The following LMBR1 variants were observed in gnomAD, a reference collection of about 807,000 sequenced individuals.
LMBR1 encodes the protein limb development membrane protein 1.
In LMBR1, 52 loss-of-function variants were observed where a neutral mutation model predicts 73.9. The ratio of observed to expected loss-of-function variants is 0.70; its 90% CI spans 0.56 to 0.89. The LOEUF is 0.89. Ranked by LOEUF, LMBR1 falls within the 40% of genes least tolerant of loss-of-function variation. The pLI, the probability that LMBR1 is intolerant of heterozygous loss-of-function variation, is 0.00. For synonymous variants in LMBR1, 215 were observed against 209.4 expected (o/e 1.03, Z -0.23); for missense variants, 539 against 579.8 (o/e 0.93, Z 0.72).
chr7:156,793,114 T>C (rs1446648807), intron 5 of LMBR1, among the ~76,000 whole-genome samples: 1 of 152,200 alleles, frequency 6.6e-6, no homozygotes, highest in South Asian at 2.1e-4. Context: ...TCGCCAAATA[T>C]GTTAAACATT....
chr7:156,740,999 AAAAGT>A (rs1818789257), intron 9 of LMBR1, among the ~76,000 whole-genome samples: 1 of 152,226 alleles, frequency 6.6e-6, no homozygotes, highest in Non-Finnish European at 1.5e-5. Context: ...CAAAAAGTTT[AAAAGT>A]GTGGGGACGA....
intron 1 of LMBR1, among the ~76,000 whole-genome samples, chr7:156,891,233 T>TATAC (rs1313373343): frequency 1.0e-4 from 7 of 68,858 alleles, no homozygotes; most frequent in African/African-American, 3.0e-4. Context: ...TATATATATA[T>TATAC]ACACACACAC....
chr7:156,877,776 G>A (rs1012209786), intron 1 of LMBR1, among the ~76,000 whole-genome samples: 38 of 151,956 alleles, frequency 2.5e-4, no homozygotes, highest in Admixed American at 5.2e-4. Flanking sequence ...CCAGCTACTC[G>A]GGAGGCTGAA....
rs559312678 is a variant in LMBR1, at chr7:156,754,518, G to A, written c.757+1875C>T. On this transcript the variant is annotated intron_variant, in intron 9 of 16. Coordinates refer to ENST00000353442, the MANE Select transcript of LMBR1 (RefSeq NM_022458.4). Reference sequence around the variant, plus strand: ...ACATCCCAACACACACTAAGAAAGCGCCGCCAGCAACTCTGTGATCAATCA... The same window carrying A: ...ACATCCCAACACACACTAAGAAAGCACCGCCAGCAACTCTGTGATCAATCA... Among the ~76,000 whole-genome samples the A allele has an allele frequency of 2.9e-4, 44 of 152,090 alleles. No homozygotes were observed. The South Asian group carries it at 8.3e-3, about 29-fold the overall frequency.
chr7:156,698,116 T>C (rs1016041859), intron 15 of LMBR1, among the ~76,000 whole-genome samples: 1 of 152,144 alleles, frequency 6.6e-6, no homozygotes, highest in African/African-American at 2.4e-5. Flanking sequence ...AGCAGGGCAG[T>C]CAAATCTTAA....
chr7:156,699,679 A>C (rs1402719351), intron 15 of LMBR1, among the ~76,000 whole-genome samples: 1 of 152,096 alleles, frequency 6.6e-6, no homozygotes, highest in Non-Finnish European at 1.5e-5. Flanking sequence ...TAATATCCAG[A>C]ATCTACAATG....
intron 5 of LMBR1, among the ~76,000 whole-genome samples, chr7:156,777,266 CTTTTT>C (rs1826327093): frequency 1.3e-5 from 2 of 152,178 alleles, no homozygotes; most frequent in Non-Finnish European, 1.5e-5. Context: ...GTTTTCCTTT[CTTTTT>C]TATCTATAAT....
chr7:156,774,106 T>A (rs1234055216), intron 5 of LMBR1, among the ~76,000 whole-genome samples: 1 of 151,662 alleles, frequency 6.6e-6, no homozygotes, highest in Non-Finnish European at 1.5e-5. Flanking sequence ...AAGAAGCACA[T>A]GAAAAAAATG....
intron 1 of LMBR1, among the ~76,000 whole-genome samples, chr7:156,843,550 T>A (rs1586177777): frequency 6.6e-6 from 1 of 152,152 alleles, no homozygotes; most frequent in South Asian, 2.1e-4. Flanking sequence ...AATCATTTCA[T>A]AAAATCCAGG....
chr7:156,843,652 C>T (rs1318584752), intron 1 of LMBR1, among the ~76,000 whole-genome samples: 1 of 151,936 alleles, frequency 6.6e-6, no homozygotes, highest in Non-Finnish European at 1.5e-5. Flanking sequence ...TCAACACCAG[C>T]CTGGCCAACA....
Position 156,725,419 on chromosome 7 carries a change from T to C in LMBR1, c.1158+16A>G, listed in dbSNP as rs756043640. The C allele has an allele frequency of 5.9e-6, 9 of 1,528,984 alleles. No individual in the cohort carries two copies. The highest frequency in any genetic ancestry group is 8.1e-6 in the Non-Finnish European group (9 of 1,116,674). 94.7% of individuals were successfully genotyped at this position (1,528,984 alleles called of 1,614,324 possible). A position where few individuals can be genotyped will look rare whatever the true frequency, so the allele number is the denominator to read the frequency against. On this transcript the variant is annotated intron_variant, in intron 14 of 16. Coordinates refer to ENST00000353442, the MANE Select transcript of LMBR1 (RefSeq NM_022458.4). ...AGGCAAACGAGAGGCCACAGTCACC[T>C]AAGATTCTACCTTACCTTTGTCATA...
At chr7:156,817,471 T>C (rs1221970943) in intron 4 of LMBR1, among the ~76,000 whole-genome samples, 1 of 151,892 alleles carries the variant, frequency 6.6e-6, no homozygotes, top group African/African-American at 2.4e-5. Context: ...TTAGCCACTG[T>C]TGATTTGGGG....
At chr7:156,779,898 A>C (rs989619111) in intron 5 of LMBR1, among the ~76,000 whole-genome samples, 4 of 152,234 alleles carry the variant, frequency 2.6e-5, no homozygotes, top group Non-Finnish European at 4.4e-5. Flanking sequence ...TCAGCATGGC[A>C]TCAAGATTGC....
At chr7:156,801,879 C>T (rs1036980699) in intron 4 of LMBR1, among the ~76,000 whole-genome samples, 6 of 152,106 alleles carry the variant, frequency 3.9e-5, no homozygotes, top group African/African-American at 7.2e-5. Context: ...GTTTTACAGA[C>T]GGACTTCAGG....
chr7:156,694,164 C>CT (rs1807804433), intron 15 of LMBR1, among the ~76,000 whole-genome samples: 1 of 151,880 alleles, frequency 6.6e-6, no homozygotes, highest in South Asian at 2.1e-4. Context: ...ATAATAGAGA[C>CT]ATTTTTTTTT....
chr7:156,789,279 C>T (rs539816764), intron 5 of LMBR1, among the ~76,000 whole-genome samples: 4 of 152,184 alleles, frequency 2.6e-5, no homozygotes, highest in African/African-American at 7.2e-5. Flanking sequence ...GTTTCGGTTG[C>T]TTTAGAATTC....
chr7:156,870,735 C>T (rs1377840762), intron 1 of LMBR1, among the ~76,000 whole-genome samples: 8 of 147,934 alleles, frequency 5.4e-5, no homozygotes, highest in East Asian at 2.0e-4. Flanking sequence ...ACAACCTGGG[C>T]GACAGAGCGA....
At chr7:156,690,572 T>C (rs1487390453) in intron 15 of LMBR1, among the ~76,000 whole-genome samples, 2 of 152,228 alleles carry the variant, frequency 1.3e-5, no homozygotes, top group Non-Finnish European at 2.9e-5. Context: ...CAACTTGGTA[T>C]CTTGAGACTC....
chr7:156,695,559 C>T (rs1248263031), intron 15 of LMBR1, among the ~76,000 whole-genome samples: 1 of 152,016 alleles, frequency 6.6e-6, no homozygotes, highest in Non-Finnish European at 1.5e-5. Context: ...GCACCCGACA[C>T]TTTTAGACAA....
Sources: gnomAD v4.1 joint callset for allele counts (sites outside exome capture counted in the v4.1 genomes callset) on GRCh38, gnomAD v4.1.1 for gene constraint, MANE v1.5 for transcripts, NCBI Gene and HGNC (gene_info 2026-07-23, HGNC 2026-07-21) for gene names.